The following RFC4 variants were observed in gnomAD, a reference collection of about 807,000 sequenced individuals.
RFC4 encodes the protein A1 37 kDa subunit.
In RFC4, 38 loss-of-function variants were observed where a neutral mutation model predicts 47.6. The observed-to-expected ratio is 0.80, with a 90% confidence interval of 0.62 to 1.05. The LOEUF is 1.05. RFC4 is among the 50% of genes least tolerant of loss of function. The pLI is 0.00. For missense variants in RFC4, 489 were observed against 434.0 expected, an observed-to-expected ratio of 1.13 and a Z score of -1.13; for synonymous variants, 164 against 150.0, an observed-to-expected ratio of 1.09 and a Z score of -0.68.
intron 7 of RFC4, 31 bp downstream of exon 7, chr3:186,792,459 A>G (rs958653260): frequency 6.3e-7 from 1 of 1,585,908 alleles, no homozygotes; most frequent in Non-Finnish European, 8.7e-7. Context: ...AGGAATTAGT[A>G]ACTCTAATAA....
At position 186,793,148 on chromosome 3, in the gene RFC4, C is replaced by G. The variant is rs1008464382; in HGVS notation, c.411-201G>C. On this transcript the variant is annotated intron_variant, in intron 5 of 10. Transcript: ENST00000296273. The surrounding 1 kb of genome is among the most constrained non-coding windows in gnomAD (Gnocchi z 4.2). ...ATCACTCCTAAAAGAAACTTTGTACCTATTAGGAGTCACTCTTCTTCCCCC... is the reference window on the plus strand; with the variant it reads ...ATCACTCCTAAAAGAAACTTTGTACGTATTAGGAGTCACTCTTCTTCCCCC... Among the ~76,000 whole-genome samples the G allele has an allele frequency of 2.0e-5, 3 of 152,170 alleles. No homozygotes were observed. The highest frequency in any genetic ancestry group is 4.4e-5 in the Non-Finnish European group (3 of 68,036).
chr3:186,804,569 A>G lies in RFC4; in HGVS notation c.131+14T>C. ...ATTTATGAATTATTTTAACAAAGAC[A>G]CAAGTGTTCTTACTATTTTTCCACC... is the stretch of plus-strand genomic sequence containing the variant. On this transcript the variant is annotated intron_variant, in intron 2 of 10. Transcript: ENST00000296273. 6.2e-7 allele frequency: 1 copy of G among 1,613,084 alleles called. No homozygotes were observed. Among genetic ancestry groups the G allele is most frequent in the Non-Finnish European group, 8.5e-7 (1 of 1,179,392 alleles).
chr3:186,790,342 AGTTT>A lies in RFC4; in HGVS notation c.862_865del (p.Lys288Ter). The stretch of plus-strand genomic sequence containing the variant: ...TGACTTTACCTTGACCACAGCTTCT[AGTTT>A]GTCAAAAGAGCCACTCTGACAGGCA... On this transcript the variant is annotated frameshift_variant, in exon 9 of 11. Transcript: ENST00000296273. LOFTEE classifies it high-confidence loss of function. The A allele has an allele frequency of 6.2e-7, 1 of 1,613,698 alleles. No homozygotes were observed. The highest frequency in any genetic ancestry group is 8.5e-7 in the Non-Finnish European group (1 of 1,179,658).
At chr3:186,791,463 CT>C (rs1722131912) in intron 8 of RFC4, 1 of 409,476 alleles carries the variant, frequency 2.4e-6, no homozygotes, top group African/African-American at 2.1e-5. Flanking sequence ...CAGCAAGACT[CT>C]GTCTCAAAAA....
At chr3:186,802,187 T>C (rs1386009184) in intron 2 of RFC4, among the ~76,000 whole-genome samples, 1 of 152,028 alleles carries the variant, frequency 6.6e-6, no homozygotes, top group Non-Finnish European at 1.5e-5. Flanking sequence ...ACCCCGTCTG[T>C]ATTAAAAATA....
At chr3:186,790,994 G>A (rs77580646) in intron 8 of RFC4, among the ~76,000 whole-genome samples, 1 of 152,106 alleles carries the variant, frequency 6.6e-6, no homozygotes. Flanking sequence ...AACAAAAGTT[G>A]TTAAGTAGTA....
intron 6 of RFC4, 31 bp from the exon 7 acceptor site, chr3:186,792,641 T>G: frequency 6.3e-7 from 1 of 1,593,926 alleles, no homozygotes; most frequent in Middle Eastern, 1.7e-4. Context: ...CAAGTTGGTG[T>G]CTAAAGAAAG....
chr3:186,792,718 A>G (rs183773723), intron 6 of RFC4, 86 bp downstream of exon 6: 31 of 1,552,878 alleles, frequency 2.0e-5, no homozygotes, highest in Admixed American at 1.6e-4. Context: ...AAATTAATGT[A>G]GCCTTGAAAA....
chr3:186,791,723 A>G lies in RFC4; in HGVS notation c.801+2T>C. 1 of 1,612,830 alleles carries G rather than the reference A, an allele frequency of 6.2e-7. No homozygotes were observed. The highest frequency in any genetic ancestry group is 8.5e-7 in the Non-Finnish European group (1 of 1,178,930). ...GAAATTCAGAATATCCAGTACTCTT[A>G]CCCCGGCAATGTCTGTAATCACTTT... On this transcript the variant is annotated splice_donor_variant, in intron 8 of 10. Coordinates refer to ENST00000296273, the MANE Select transcript of RFC4 (RefSeq NM_002916.5). LOFTEE classifies it high-confidence loss of function.
At position 186,801,002 on chromosome 3, in the gene RFC4, C is replaced by T. The variant is rs1420366827; in HGVS notation, c.210+115G>A. ...CATTGTACAAATAGTTATCAAGGAC[C>T]TACTGTACACAGAGCAAGATATTTA... On this transcript the variant is annotated intron_variant, in intron 3 of 10. Coordinates refer to ENST00000296273, the MANE Select transcript of RFC4 (RefSeq NM_002916.5). The T allele has an allele frequency of 5.5e-6, 4 of 724,502 alleles. No individual in the cohort carries two copies. The East Asian group carries it at 1.0e-4, about 18-fold the overall frequency. 44.9% of individuals were successfully genotyped at this position (724,502 alleles called of 1,614,324 possible).
Position 186,790,047 on chromosome 3 carries a change from T to C in RFC4, c.1014A>G (p.Leu338=), listed in dbSNP as rs747533111. Residue 338 remains leucine (L), a synonymous_variant, in exon 11 of 11, where the codon CTA becomes CTG. Transcript: ENST00000296273. ...TEKLAEVDKC[L]ADGADEHLQL... ...GCAAATGTTCATCAGCACCATCTGC[T>C]AGGCATTTGTCAACTTCCTACGAGA... is the stretch of plus-strand genomic sequence containing the variant. The C allele has an allele frequency of 1.2e-6, 2 of 1,613,628 alleles. No homozygotes were observed. The highest frequency in any genetic ancestry group is 1.7e-6 in the Non-Finnish European group (2 of 1,179,578).
At chr3:186,799,839 A>G (rs559974902) in intron 3 of RFC4, among the ~76,000 whole-genome samples, 29 of 152,372 alleles carry the variant, frequency 1.9e-4, no homozygotes, top group African/African-American at 3.6e-4. Flanking sequence ...TGCAATTAAA[A>G]TGGTATATAC....
At position 186,790,311 on chromosome 3, in the gene RFC4, G is replaced by C; in HGVS notation, c.882+15C>G. The C allele has an allele frequency of 1.2e-6, 2 of 1,612,880 alleles. No individual in the cohort carries two copies. Among genetic ancestry groups the C allele is most frequent in the Non-Finnish European group, 1.7e-6 (2 of 1,178,890 alleles). On this transcript the variant is annotated intron_variant, in intron 9 of 10. Coordinates refer to ENST00000296273, the MANE Select transcript of RFC4 (RefSeq NM_002916.5). ...CTTAATATTCCTTTCCCCAAAGTTA[G>C]TAAGCTGACTTTACCTTGACCACAG...
chr3:186,789,902 C>A lies in RFC4; in HGVS notation c.*67G>T. On this transcript the variant is annotated 3_prime_UTR_variant, in exon 11 of 11. Transcript: ENST00000296273. ...AAATTGTATATTCACTTTAAAGGTG[C>A]TTTTGGTCATTTTATTTTTATTACA... 9.8e-7 allele frequency: 1 copy of A among 1,018,052 alleles called. No individual in the cohort carries two copies. Among genetic ancestry groups the A allele is most frequent in the South Asian group, 1.4e-5 (1 of 70,542 alleles). 63.1% of individuals were successfully genotyped at this position (1,018,052 alleles called of 1,614,324 possible).
intron 3 of RFC4, among the ~76,000 whole-genome samples, chr3:186,800,081 G>A (rs1722321864): frequency 6.6e-6 from 1 of 151,998 alleles, no homozygotes; most frequent in South Asian, 2.1e-4. Context: ...TTAGCCTCCT[G>A]AGTAGCTGGG....
chr3:186,798,447 T>C (rs900355448), intron 3 of RFC4, among the ~76,000 whole-genome samples: 2 of 152,166 alleles, frequency 1.3e-5, no homozygotes, highest in Non-Finnish European at 2.9e-5. Flanking sequence ...TTTCCACTCT[T>C]GCCTAACCCT....
Position 186,792,850 on chromosome 3 carries a change from C to T in RFC4, c.508G>A (p.Glu170Lys), listed in dbSNP as rs972834274. Reference protein sequence around the residue: ...QAALRRTMEKESKTTRFCLIC... With the variant: ...QAALRRTMEKKSKTTRFCLIC... Reference sequence around the variant, plus strand: ...AGACAGAATCGGGTGGTTTTCGACTCCTTCTCCATGGTACGTCTTAAAGCT... The same window carrying T: ...AGACAGAATCGGGTGGTTTTCGACTTCTTCTCCATGGTACGTCTTAAAGCT... The change falls in exon 6 of 11, where the codon GAG (glutamate) becomes AAG (lysine). Residue 170 changes from glutamate to lysine, a missense_variant. Around this residue, in one of 2 missense-constraint regions of RFC4, gnomAD observed 206 missense variants for 257.8 expected, o/e 0.80. Coordinates refer to ENST00000296273, the MANE Select transcript of RFC4 (RefSeq NM_002916.5). 1 of 1,614,086 alleles carries T rather than the reference C, an allele frequency of 6.2e-7. No individual in the cohort carries two copies.
At chr3:186,792,664 A>G (rs1432388371) in intron 6 of RFC4, 54 bp from the exon 7 acceptor site, 1 of 1,583,324 alleles carries the variant, frequency 6.3e-7, no homozygotes, top group African/African-American at 1.4e-5. Context: ...TTTCCCCAAA[A>G]GAACTCATTT....
At chr3:186,801,382 G>C in intron 2 of RFC4, 187 bp from the exon 3 acceptor site, 1 of 586,680 alleles carries the variant, frequency 1.7e-6, no homozygotes, top group Non-Finnish European at 3.0e-6. Context: ...AACACATTCT[G>C]AAAGAGTGAA....
Sources: allele counts gnomAD v4.1 joint callset (sites outside exome capture counted in the v4.1 genomes callset), GRCh38; gene constraint gnomAD v4.1.1; regional missense constraint gnomAD v4.1.1; non-coding constraint Gnocchi (gnomAD v3.1); transcripts MANE v1.5; gene names NCBI Gene and HGNC (gene_info 2026-07-23, HGNC 2026-07-21).